The following TUBA1C variants were observed in gnomAD, a reference collection of about 807,000 sequenced individuals.
TUBA1C encodes tubulin alpha 1c.
A neutral mutation model predicts 34.9 loss-of-function variants in TUBA1C; 16 were observed. The ratio of observed to expected loss-of-function variants is 0.46; its 90% CI spans 0.31 to 0.70. TUBA1C has a LOEUF of 0.70. Ranked by LOEUF, TUBA1C falls within the 30% of genes least tolerant of loss-of-function variation. The pLI, the probability that TUBA1C is intolerant of heterozygous loss-of-function variation, is 0.05. For missense variants in TUBA1C, 329 were observed against 587.3 expected, an observed-to-expected ratio of 0.56 and a Z score of 4.55; for synonymous variants, 177 against 215.9, an observed-to-expected ratio of 0.82 and a Z score of 1.58.
chr12:49,272,903 G>A lies in TUBA1C; in HGVS notation c.1026G>A (p.Gln342=). 1 of 1,614,224 alleles carries A rather than the reference G, an allele frequency of 6.2e-7. No homozygotes were observed. The highest frequency in any genetic ancestry group is 2.2e-5 in the East Asian group (1 of 44,892). Residue 342 remains glutamine, a synonymous_variant, in exon 4 of 4, where the codon CAG becomes CAA. Transcript: ENST00000301072. ...IATIKTKRTI[Q]FVDWCPTGFK... ...CCATCAAAACCAAGCGTACCATCCAGTTTGTGGATTGGTGCCCCACTGGCT... is the reference window on the plus strand; with the variant it reads ...CCATCAAAACCAAGCGTACCATCCAATTTGTGGATTGGTGCCCCACTGGCT...
intron 1 of TUBA1C, among the ~76,000 whole-genome samples, chr12:49,253,103 A>AAAAAT (rs1942747344): frequency 6.6e-6 from 1 of 151,782 alleles, no homozygotes; most frequent in Non-Finnish European, 1.5e-5. Context: ...AAAAAAAAAA[A>AAAAAT]AAAAGACTTT....
intron 1 of TUBA1C, among the ~76,000 whole-genome samples, chr12:49,267,673 A>G (rs560316267): frequency 9.8e-5 from 15 of 152,294 alleles, no homozygotes; most frequent in Admixed American, 3.3e-4. Context: ...GTAAATAGTC[A>G]TGGGCTAATT....
At chr12:49,249,030 C>T (rs1942705813) in intron 1 of TUBA1C, among the ~76,000 whole-genome samples, 1 of 151,950 alleles carries the variant, frequency 6.6e-6, no homozygotes, top group Non-Finnish European at 1.5e-5. Context: ...AATGAAAATA[C>T]AACATATCAA....
At chr12:49,271,606 C>T (rs1483397954) in intron 3 of TUBA1C, among the ~76,000 whole-genome samples, 2 of 152,216 alleles carry the variant, frequency 1.3e-5, no homozygotes, top group East Asian at 1.9e-4. Context: ...CAGTAAGGAA[C>T]TGGTACAGCC....
Position 49,265,164 on chromosome 12 carries a change from C to A in TUBA1C, c.-18C>A. On this transcript the variant is annotated 5_prime_UTR_variant, in exon 1 of 4. Coordinates refer to ENST00000301072, the MANE Select transcript of TUBA1C (RefSeq NM_032704.5). ...CCTTCGCCTCCTTCACCGCCGCAGA[C>A]CCCTTCAAGTTCTAGTCATGGTGAG... 6.2e-7 allele frequency: 1 copy of A among 1,603,634 alleles called. No individual in the cohort carries two copies. The highest frequency in any genetic ancestry group is 8.5e-7 in the Non-Finnish European group (1 of 1,172,888).
intron 1 of TUBA1C, among the ~76,000 whole-genome samples, chr12:49,230,749 G>A (rs11168928): frequency 0.019 from 2,894 of 152,296 alleles, 86 homozygotes; most frequent in African/African-American, 0.065. Flanking sequence ...GCTCAAAGCA[G>A]GGTGGTTAAT....
Position 49,272,302 on chromosome 12 carries a change from G to A in TUBA1C, c.425G>A (p.Gly142Asp), listed in dbSNP as rs1272855637. ...GGCTTCTTGGTTTTCCACAGCTTTG[G>A]TGGGGGAACTGGTTCTGGGTTCACC... ...LQGFLVFHSF[G>D]GGTGSGFTSL... is the part of the protein sequence containing the mutation. The change falls in exon 4 of 4, where the codon GGT becomes GAT. Residue 142 changes from glycine to aspartate, a missense_variant. This residue lies in a region of TUBA1C where 152 missense variants were observed against 240.3 expected (regional missense o/e 0.63). Transcript: ENST00000301072. 6.2e-7 allele frequency: 1 copy of A among 1,613,924 alleles called. No homozygotes were observed. Among genetic ancestry groups the A allele is most frequent in the Non-Finnish European group, 8.5e-7 (1 of 1,179,972 alleles).
intron 1 of TUBA1C, among the ~76,000 whole-genome samples, chr12:49,267,300 A>G (rs1302377546): frequency 2.0e-5 from 3 of 152,250 alleles, no homozygotes; most frequent in Admixed American, 2.0e-4. Context: ...CCTGGGGGCC[A>G]TCATGATCAG....
intron 1 of TUBA1C, among the ~76,000 whole-genome samples, chr12:49,252,223 A>T (rs115506055): frequency 0.015 from 2,330 of 152,316 alleles, 54 homozygotes; most frequent in African/African-American, 0.053. Flanking sequence ...GGCATTAACC[A>T]GTTTTGTATC....
intron 1 of TUBA1C, among the ~76,000 whole-genome samples, chr12:49,255,982 G>A (rs928137874): frequency 6.6e-6 from 1 of 152,236 alleles, no homozygotes; most frequent in Non-Finnish European, 1.5e-5. Context: ...GCACGTGCCT[G>A]TAGTCCCAGC....
upstream of TUBA1C, among the ~76,000 whole-genome samples, chr12:49,260,447 A>G (rs1293689997): frequency 6.6e-6 from 1 of 152,216 alleles, no homozygotes; most frequent in Non-Finnish European, 1.5e-5. Flanking sequence ...TTCTATGGTA[A>G]TCTCCCAGAA....
At chr12:49,261,075 G>T (rs1172523393), upstream of TUBA1C, among the ~76,000 whole-genome samples, 1 of 152,104 alleles carries the variant, frequency 6.6e-6, no homozygotes, top group South Asian at 2.1e-4. Context: ...TAGGCTGGGC[G>T]CAGGGGCTCA....
chr12:49,245,532 C>G (rs754633071), intron 1 of TUBA1C, among the ~76,000 whole-genome samples: 4 of 152,152 alleles, frequency 2.6e-5, no homozygotes, highest in Non-Finnish European at 4.4e-5. Flanking sequence ...TTACTTGAGG[C>G]TAGGAATTTG....
At chr12:49,248,725 G>A (rs893286045) in intron 1 of TUBA1C, among the ~76,000 whole-genome samples, 5 of 150,844 alleles carry the variant, frequency 3.3e-5, no homozygotes, top group Non-Finnish European at 7.4e-5. Context: ...ATAATTAGCC[G>A]GGCGTGGTGG....
At chr12:49,269,407 T>C in intron 1 of TUBA1C, 58 bp from the exon 2 acceptor site, 1 of 1,609,112 alleles carries the variant, frequency 6.2e-7, no homozygotes, top group Non-Finnish European at 8.5e-7. Context: ...TGTGAATCAT[T>C]CCTAAATGTC....
At chr12:49,262,333 C>G (rs187539851), upstream of TUBA1C, among the ~76,000 whole-genome samples, 76 of 139,044 alleles carry the variant, frequency 5.5e-4, no homozygotes, top group East Asian at 3.0e-3. Flanking sequence ...AAGAGGATTG[C>G]TTGAGCCCAA....
At chr12:49,230,523 C>T (rs969665303) in intron 1 of TUBA1C, among the ~76,000 whole-genome samples, 6 of 152,266 alleles carry the variant, frequency 3.9e-5, no homozygotes, top group Middle Eastern at 3.4e-3. Context: ...TATGAGATAA[C>T]AATAACATCC....
At chr12:49,252,923 A>C (rs1272866005) in intron 1 of TUBA1C, among the ~76,000 whole-genome samples, 1 of 151,684 alleles carries the variant, frequency 6.6e-6, no homozygotes. Context: ...ACAAAACAGA[A>C]ACAAAAACAA....
chr12:49,259,117 C>T (rs1026094235), intron 1 of TUBA1C, among the ~76,000 whole-genome samples: 2 of 152,184 alleles, frequency 1.3e-5, no homozygotes, highest in Non-Finnish European at 2.9e-5. Flanking sequence ...CACTGACTCA[C>T]TAAGCAACTT....
Sources: allele counts gnomAD v4.1 joint callset (sites outside exome capture counted in the v4.1 genomes callset), GRCh38; gene constraint gnomAD v4.1.1; regional missense constraint gnomAD v4.1.1; transcripts MANE v1.5; gene names NCBI Gene and HGNC (gene_info 2026-07-23, HGNC 2026-07-21).